PRIM2: variants seen among roughly 807,000 people sequenced by gnomAD.
PRIM2 encodes DNA primase large subunit.
Under a neutral mutation model 67.3 loss-of-function variants are expected in PRIM2, and 39 were observed. The observed-to-expected ratio is 0.58, with a 90% confidence interval of 0.45 to 0.76. PRIM2 has a LOEUF of 0.76. Ranked by LOEUF, PRIM2 falls within the 30% of genes least tolerant of loss-of-function variation. The pLI is 0.00. For missense variants in PRIM2, 398 were observed against 598.7 expected, an observed-to-expected ratio of 0.66 and a Z score of 3.50; for synonymous variants, 143 against 198.7, an observed-to-expected ratio of 0.72 and a Z score of 2.36.
chr6:57,378,105 G>C (rs1254543608), intron 5 of PRIM2, among the ~76,000 whole-genome samples: 2 of 145,370 alleles, frequency 1.4e-5, no homozygotes, highest in Non-Finnish European at 3.0e-5. Context: ...GTGTCACCCA[G>C]ACTGGAGTGC....
chr6:57,381,071 A>G (rs1335961794), intron 6 of PRIM2, among the ~76,000 whole-genome samples: 2 of 151,970 alleles, frequency 1.3e-5, no homozygotes, highest in Non-Finnish European at 2.9e-5. Flanking sequence ...TGCTCATCTG[A>G]TATGTCCTAT....
chr6:57,455,415 T>G (rs1311706625), intron 7 of PRIM2, among the ~76,000 whole-genome samples: 16 of 151,250 alleles, frequency 1.1e-4, no homozygotes, highest in Non-Finnish European at 1.5e-4. Context: ...TATTGTGTGG[T>G]AGTCTAAGTC....
intron 7 of PRIM2, among the ~76,000 whole-genome samples, chr6:57,473,956 G>A (rs1773401179): frequency 6.6e-6 from 1 of 151,566 alleles, no homozygotes; most frequent in Non-Finnish European, 1.5e-5. Context: ...TTTGAAATTA[G>A]GATGATAGTG....
intron 12 of PRIM2, among the ~76,000 whole-genome samples, chr6:57,625,656 A>G (rs1242994076): frequency 6.2e-4 from 94 of 152,358 alleles, no homozygotes; most frequent in African/African-American, 2.2e-3. Flanking sequence ...CCAATAAAAA[A>G]GAGAATGATG....
chr6:57,445,094 A>G (rs1021684048), intron 7 of PRIM2, among the ~76,000 whole-genome samples: 5 of 152,208 alleles, frequency 3.3e-5, no homozygotes, highest in African/African-American at 7.2e-5. Context: ...CCTGTTGACT[A>G]ATTTCTAACT....
the PRIM2 span, among the ~76,000 whole-genome samples, chr6:57,268,611 C>A: frequency 1.3e-5 from 2 of 151,492 alleles, no homozygotes; most frequent in South Asian, 4.2e-4. Context: ...GCAATTTCCC[C>A]CCACATTTAC....
chr6:57,521,382 T>TTGTTG (rs1554348904), intron 8 of PRIM2, among the ~76,000 whole-genome samples: 1 of 147,274 alleles, frequency 6.8e-6, no homozygotes, highest in African/African-American at 2.5e-5. Flanking sequence ...TTTTTTTTTT[T>TTGTTG]TTTTTTTTTT....
chr6:57,253,359 A>C, the PRIM2 span, among the ~76,000 whole-genome samples: 10 of 152,176 alleles, frequency 6.6e-5, no homozygotes, highest in Non-Finnish European at 1.2e-4. Flanking sequence ...CAAGACTATA[A>C]ACTATGGTCT....
At chr6:57,339,490 A>T (rs1158010036) in intron 5 of PRIM2, among the ~76,000 whole-genome samples, 1 of 152,166 alleles carries the variant, frequency 6.6e-6, no homozygotes, top group African/African-American at 2.4e-5. Flanking sequence ...ACAGCATGGT[A>T]CTGGTACCAA....
chr6:57,587,333 CA>C (rs1196686422), intron 10 of PRIM2, among the ~76,000 whole-genome samples: 1 of 152,044 alleles, frequency 6.6e-6, no homozygotes, highest in East Asian at 1.9e-4. Flanking sequence ...CAGGTGAAGG[CA>C]AAGTAGTGAG....
At chr6:57,574,894 A>G (rs1328620107) in intron 10 of PRIM2, among the ~76,000 whole-genome samples, 7 of 152,002 alleles carry the variant, frequency 4.6e-5, no homozygotes, top group African/African-American at 1.7e-4. Context: ...TGGCAGTTTC[A>G]TGTAGTCCCA....
intron 10 of PRIM2, among the ~76,000 whole-genome samples, chr6:57,564,066 T>C (rs1396969695): frequency 6.6e-6 from 1 of 152,236 alleles, no homozygotes. Flanking sequence ...CTTTGGGACA[T>C]AATTATGTAG....
the PRIM2 span, among the ~76,000 whole-genome samples, chr6:57,263,118 C>A: frequency 3.3e-5 from 5 of 152,104 alleles, no homozygotes; most frequent in Non-Finnish European, 5.9e-5. Flanking sequence ...AAATAGGAAA[C>A]CACATTTCCT....
chr6:57,445,041 A>G (rs5003056), intron 7 of PRIM2, among the ~76,000 whole-genome samples: 1,954 of 152,264 alleles, frequency 0.013, 41 homozygotes, highest in African/African-American at 0.043. Flanking sequence ...ATAACATGCT[A>G]CTTTGTGTTG....
intron 10 of PRIM2, among the ~76,000 whole-genome samples, chr6:57,583,026 T>G (rs1776125397): frequency 6.9e-6 from 1 of 145,314 alleles, no homozygotes. Flanking sequence ...CTATGAGTGA[T>G]AACATGTGGT....
At chr6:57,264,631 T>C in the PRIM2 span, among the ~76,000 whole-genome samples, 2 of 131,200 alleles carry the variant, frequency 1.5e-5, no homozygotes, top group African/African-American at 2.9e-5. Context: ...GGAGCCTCAC[T>C]CTGTTGCCAG....
At chr6:57,529,234 C>T (rs1389055227) in intron 8 of PRIM2, among the ~76,000 whole-genome samples, 1 of 151,696 alleles carries the variant, frequency 6.6e-6, no homozygotes, top group Non-Finnish European at 1.5e-5. Flanking sequence ...GGCGTGAACC[C>T]GGGAGGCAGA....
the PRIM2 span, among the ~76,000 whole-genome samples, chr6:57,295,633 C>T: frequency 3.3e-5 from 5 of 152,108 alleles, no homozygotes; most frequent in Non-Finnish European, 7.4e-5. Context: ...ATAGAAAATA[C>T]AAATTTCCCA....
chr6:57,333,797 G>A (rs1768134691), intron 5 of PRIM2, among the ~76,000 whole-genome samples: 2 of 151,664 alleles, frequency 1.3e-5, no homozygotes, highest in Non-Finnish European at 2.9e-5. Flanking sequence ...CTTAAAAATT[G>A]AATATAAAAT....
Sources: allele counts gnomAD v4.1 joint callset (sites outside exome capture counted in the v4.1 genomes callset), GRCh38; gene constraint gnomAD v4.1.1; transcripts MANE v1.5; gene names NCBI Gene and HGNC (gene_info 2026-07-23, HGNC 2026-07-21).